RTF1: variants seen among roughly 807,000 people sequenced by gnomAD.
RTF1 encodes RTF1 homolog, Paf1/RNA polymerase II complex component.
In RTF1, 10 loss-of-function variants were observed where a neutral mutation model predicts 95.7. That is an observed-to-expected ratio of 0.10 (90% CI 0.06 to 0.18). RTF1 has a LOEUF of 0.18. Among genes scored for constraint, RTF1 ranks in the 10% least tolerant of loss-of-function variants. The probability of loss-of-function intolerance (pLI) is 1.00; values close to 1 mark genes in which losing one functional copy is unlikely to be tolerated. For missense variants in RTF1, 458 were observed against 875.6 expected (o/e 0.52, Z 6.02); for synonymous variants, 305 against 311.8 (o/e 0.98, Z 0.23).
intron 1 of RTF1, among the ~76,000 whole-genome samples, chr15:41,433,924 C>G (rs186098071): frequency 6.7e-6 from 1 of 149,558 alleles, no homozygotes; most frequent in East Asian, 2.0e-4. Flanking sequence ...CAGTTCACTG[C>G]AACCTCTGCC....
chr15:41,449,480 C>T (rs1267639618), intron 2 of RTF1, among the ~76,000 whole-genome samples: 3 of 151,800 alleles, frequency 2.0e-5, no homozygotes, highest in Non-Finnish European at 4.4e-5. Flanking sequence ...ATCTGCCCAG[C>T]CGGCAGCAGG....
At chr15:41,431,405 C>A (rs1022972997) in intron 1 of RTF1, among the ~76,000 whole-genome samples, 2 of 151,694 alleles carry the variant, frequency 1.3e-5, no homozygotes, top group African/African-American at 4.8e-5. Context: ...TTAGTGGAGA[C>A]AGGGTTTCAC....
chr15:41,439,604 G>A (rs2050722441), intron 2 of RTF1, among the ~76,000 whole-genome samples: 1 of 152,086 alleles, frequency 6.6e-6, no homozygotes, highest in Non-Finnish European at 1.5e-5. Context: ...AGGGATGAGG[G>A]GAAAGATATT....
chr15:41,440,015 C>T (rs1031044537), intron 2 of RTF1, among the ~76,000 whole-genome samples: 1 of 152,174 alleles, frequency 6.6e-6, no homozygotes, highest in African/African-American at 2.4e-5. Flanking sequence ...CGGATATCAC[C>T]TTTCAGTGTA....
chr15:41,453,652 A>T (rs1045787213), intron 3 of RTF1, among the ~76,000 whole-genome samples: 6 of 151,936 alleles, frequency 3.9e-5, no homozygotes. Context: ...GCTTGAGCCC[A>T]GGACTTCGAG....
intron 1 of RTF1, among the ~76,000 whole-genome samples, chr15:41,426,821 GTGTGTA>G (rs2050635298): frequency 7.3e-6 from 1 of 137,408 alleles, no homozygotes; most frequent in African/African-American, 2.8e-5. Flanking sequence ...GTGTGTGTGT[GTGTGTA>G]ATTTTTGTTT....
At chr15:41,468,934 C>T (rs2050895484) in intron 6 of RTF1, among the ~76,000 whole-genome samples, 1 of 152,000 alleles carries the variant, frequency 6.6e-6, no homozygotes, top group Admixed American at 6.6e-5. Flanking sequence ...TGTTTTAATC[C>T]ATTGCAGTTA....
chr15:41,440,448 C>T (rs1454156795), intron 2 of RTF1: 2 of 151,548 alleles, frequency 1.3e-5, no homozygotes, highest in East Asian at 3.9e-4. Flanking sequence ...CTTGGCCTCC[C>T]AAAGTGCTGG....
intron 1 of RTF1, among the ~76,000 whole-genome samples, chr15:41,426,688 CG>C (rs376232797): frequency 6.4e-4 from 7 of 11,010 alleles, no homozygotes; most frequent in Non-Finnish European, 2.3e-3. Flanking sequence ...TGATCCACCC[CG>C]CCCCCCCCCC....
chr15:41,451,759 C>T (rs867301194), intron 2 of RTF1, among the ~76,000 whole-genome samples: 1 of 152,148 alleles, frequency 6.6e-6, no homozygotes, highest in South Asian at 2.1e-4. Flanking sequence ...CTTCCTGAGA[C>T]CCACCCCAGA....
chr15:41,454,430 A>T (rs961091701), intron 3 of RTF1, among the ~76,000 whole-genome samples: 1 of 152,184 alleles, frequency 6.6e-6, no homozygotes, highest in Non-Finnish European at 1.5e-5. Context: ...AATAAATAAA[A>T]AAGAAATTAT....
chr15:41,452,677 T>G (rs1184075419), intron 2 of RTF1, among the ~76,000 whole-genome samples: 4 of 151,804 alleles, frequency 2.6e-5, no homozygotes, highest in Non-Finnish European at 5.9e-5. Flanking sequence ...GAGGTTGCAG[T>G]GAACCAAGAC....
At chr15:41,420,598 G>A (rs1422153489) in intron 1 of RTF1, among the ~76,000 whole-genome samples, 2 of 152,086 alleles carry the variant, frequency 1.3e-5, no homozygotes, top group African/African-American at 4.8e-5. Flanking sequence ...AGTATCTAGT[G>A]TGGATTGGAA....
Position 41,483,085 on chromosome 15 carries a change from G to A in RTF1, c.*2398G>A, listed in dbSNP as rs1399238569. The A allele has an allele frequency of 1.3e-5, 2 of 152,680 alleles. No homozygotes were observed. The highest frequency in any genetic ancestry group is 2.1e-4 in the South Asian group (1 of 4,832). 9.5% of individuals were successfully genotyped at this position (152,680 alleles called of 1,614,324 possible). On this transcript the variant is annotated 3_prime_UTR_variant, in exon 18 of 18. Transcript: ENST00000389629. ...GGAGAAAAGCCAACCAAAGAAGACCGAAGGGTATCTTTCCACCCGAGTAGC... is the reference window on the plus strand; with the variant it reads ...GGAGAAAAGCCAACCAAAGAAGACCAAAGGGTATCTTTCCACCCGAGTAGC...
chr15:41,450,602 T>C (rs1022007408), intron 2 of RTF1, among the ~76,000 whole-genome samples: 1 of 148,700 alleles, frequency 6.7e-6, no homozygotes, highest in Non-Finnish European at 1.5e-5. Context: ...AAAAAAAAAA[T>C]TATCTTCCTT....
Position 41,452,994 on chromosome 15 carries a change from T to G in RTF1, c.403T>G (p.Ser135Ala). ...GAAGAAACAGGCCAACAAAACTGCC[T>G]CCTCAGGCAGTTCAGACAAAGACAG... ...TMKKQANKTA[S>A]SGSSDKDSSA... The change falls in exon 3 of 18, where the codon TCC becomes GCC. Residue 135 changes from serine (S) to alanine (A), a missense_variant. Coordinates refer to ENST00000389629, the MANE Select transcript of RTF1 (RefSeq NM_015138.5). 6.2e-7 allele frequency: 1 copy of G among 1,612,686 alleles called. No individual in the cohort carries two copies. The highest frequency in any genetic ancestry group is 8.5e-7 in the Non-Finnish European group (1 of 1,179,626).
At chr15:41,438,265 C>T (rs1474053808) in intron 1 of RTF1, 56 bp from the exon 2 acceptor site, 6 of 1,207,250 alleles carry the variant, frequency 5.0e-6, no homozygotes, top group Admixed American at 2.4e-5. Context: ...TTTTATTATT[C>T]TTGGATATTC....
chr15:41,455,309 T>C (rs1203424274), intron 3 of RTF1, among the ~76,000 whole-genome samples: 1 of 142,620 alleles, frequency 7.0e-6, no homozygotes, highest in Non-Finnish European at 1.5e-5. Flanking sequence ...TGAGACTCTG[T>C]CTCCAAAAAA....
intron 1 of RTF1, among the ~76,000 whole-genome samples, chr15:41,419,176 T>A (rs1415374747): frequency 6.6e-6 from 1 of 152,214 alleles, no homozygotes; most frequent in African/African-American, 2.4e-5. Flanking sequence ...GGTAGATAAT[T>A]TTAGACTGGC....
Sources: gnomAD v4.1 joint callset for allele counts (sites outside exome capture counted in the v4.1 genomes callset) on GRCh38, gnomAD v4.1.1 for gene constraint, MANE v1.5 for transcripts, NCBI Gene and HGNC (gene_info 2026-07-23, HGNC 2026-07-21) for gene names.